The following LPP variants were observed in gnomAD, a reference collection of about 807,000 sequenced individuals.
LPP encodes the protein lipoma-preferred partner.
LPP carries 38 observed loss-of-function variants against 60.4 expected under a neutral mutation model. The ratio of observed to expected loss-of-function variants is 0.63; its 90% CI spans 0.49 to 0.83. LPP has a LOEUF of 0.83. LPP is among the 40% of genes least tolerant of loss of function. The pLI, the probability that LPP is intolerant of heterozygous loss-of-function variation, is 0.00. For missense variants in LPP, 902 were observed against 783.6 expected (o/e 1.15, Z -1.80); for synonymous variants, 328 against 290.8 (o/e 1.13, Z -1.30).
intron 5 of LPP, among the ~76,000 whole-genome samples, chr3:188,523,729 A>T (rs773061173): frequency 6.6e-6 from 1 of 152,176 alleles, no homozygotes; most frequent in African/African-American, 2.4e-5. Context: ...GATTATTGTA[A>T]CTTTCCACTA....
intron 7 of LPP, among the ~76,000 whole-genome samples, chr3:188,620,583 T>C (rs1055095027): frequency 9.8e-5 from 15 of 152,356 alleles, no homozygotes; most frequent in African/African-American, 3.6e-4. Flanking sequence ...TTGAGGTTTT[T>C]CTATCTTTTG....
chr3:188,424,259 G>T (rs1788685318), intron 4 of LPP, among the ~76,000 whole-genome samples: 1 of 152,078 alleles, frequency 6.6e-6, no homozygotes. Context: ...GAGATCAGAT[G>T]GTTGTAGATG....
intron 6 of LPP, among the ~76,000 whole-genome samples, chr3:188,582,104 G>A (rs911059948): frequency 6.7e-6 from 1 of 149,320 alleles, no homozygotes; most frequent in Non-Finnish European, 1.5e-5. Flanking sequence ...GCTCTCCTTA[G>A]TGGCTCTTCG....
At chr3:188,547,160 G>C (rs1826872275) in intron 6 of LPP, among the ~76,000 whole-genome samples, 2 of 152,166 alleles carry the variant, frequency 1.3e-5, no homozygotes, top group South Asian at 2.1e-4. Flanking sequence ...CCCAGTTGGA[G>C]CTTAGAAAAT....
At chr3:188,293,787 G>C (rs961822644) in intron 2 of LPP, among the ~76,000 whole-genome samples, 14 of 152,046 alleles carry the variant, frequency 9.2e-5, no homozygotes, top group Non-Finnish European at 1.9e-4. Flanking sequence ...TTACAAGGCC[G>C]GGCACCATGG....
At chr3:188,594,941 A>G (rs984698445) in intron 6 of LPP, among the ~76,000 whole-genome samples, 2 of 152,016 alleles carry the variant, frequency 1.3e-5, no homozygotes, top group African/African-American at 2.4e-5. Context: ...ATATCCTGTT[A>G]TTTTTCTGAA....
chr3:188,286,655 TAAATGTATTGATACTAAAAAGG>T (rs1346180767), intron 2 of LPP, among the ~76,000 whole-genome samples: 6 of 152,170 alleles, frequency 3.9e-5, no homozygotes, highest in African/African-American at 1.4e-4. Flanking sequence ...CCTCCCCAAA[TAAATGTATTGATACTAAAAAGG>T]AAAGCCAGCT....
At chr3:188,164,904 C>T (rs1459337866) in intron 1 of LPP, among the ~76,000 whole-genome samples, 3 of 151,996 alleles carry the variant, frequency 2.0e-5, no homozygotes, top group South Asian at 2.1e-4. Flanking sequence ...ACGATGGAAA[C>T]GTGAATGCAG....
chr3:188,718,904 T>C (rs1270068401), intron 8 of LPP, among the ~76,000 whole-genome samples: 3 of 152,208 alleles, frequency 2.0e-5, no homozygotes, highest in Non-Finnish European at 4.4e-5. Flanking sequence ...TTTTTAGAGA[T>C]CATGAAAATG....
chr3:188,689,491 C>T (rs927829960), intron 7 of LPP, among the ~76,000 whole-genome samples: 6 of 152,122 alleles, frequency 3.9e-5, no homozygotes, highest in African/African-American at 1.4e-4. Context: ...AGGTGTTAAC[C>T]ACTATTCTAC....
chr3:188,297,033 G>A (rs1369323720), intron 2 of LPP, among the ~76,000 whole-genome samples: 2 of 152,204 alleles, frequency 1.3e-5, no homozygotes, highest in Non-Finnish European at 2.9e-5. Context: ...TGTCAACATA[G>A]TTCCTTTAGG....
At chr3:188,430,465 G>A (rs1418219980) in intron 4 of LPP, among the ~76,000 whole-genome samples, 3 of 152,096 alleles carry the variant, frequency 2.0e-5, no homozygotes, top group Non-Finnish European at 4.4e-5. Flanking sequence ...CTATCTGGTT[G>A]TACCGTGACT....
Position 188,872,656 on chromosome 3 carries a change from C to T in LPP, c.1603C>T (p.Arg535Ter), listed in dbSNP as rs1399332919. The change falls in exon 11 of 12, where the codon CGA becomes TGA. Residue 535 changes from arginine (R) to a stop codon, truncating the protein, a stop_gained. Coordinates refer to ENST00000617246, the MANE Select transcript of LPP (RefSeq NM_001375462.1). LOFTEE classifies it high-confidence loss of function. ...IEDFHKKFAP[R>*]CSVCKEPIMP... ...CTTCACTTTCAGGAAATTTGCCCCG[C>T]GATGTTCTGTGTGCAAGGAGCCTAT... The T allele has an allele frequency of 2.5e-6, 4 of 1,614,098 alleles. No individual in the cohort carries two copies. In the Admixed American group the frequency reaches 5.0e-5, roughly 20 times the overall value.
At chr3:188,237,345 C>G (rs1722280408) in intron 2 of LPP, among the ~76,000 whole-genome samples, 2 of 152,178 alleles carry the variant, frequency 1.3e-5, no homozygotes, top group Admixed American at 1.3e-4. Context: ...TTCCAATCTC[C>G]TGTTAATGCT....
chr3:188,221,985 C>A (rs1275791850), intron 1 of LPP, among the ~76,000 whole-genome samples: 1 of 152,122 alleles, frequency 6.6e-6, no homozygotes, highest in African/African-American at 2.4e-5. Flanking sequence ...CACTTACTAG[C>A]CTAGAGATAT....
At chr3:188,607,287 A>C (rs1192154613) in intron 6 of LPP, among the ~76,000 whole-genome samples, 2 of 149,976 alleles carry the variant, frequency 1.3e-5, no homozygotes, top group Non-Finnish European at 3.0e-5. Flanking sequence ...GATTTTTCTC[A>C]ACTTTATTAT....
intron 2 of LPP, among the ~76,000 whole-genome samples, chr3:188,238,278 A>G (rs928089136): frequency 6.6e-6 from 1 of 152,200 alleles, no homozygotes; most frequent in African/African-American, 2.4e-5. Context: ...TCTTCTATCC[A>G]GATCACTCCA....
rs116262667 is a variant in LPP, at chr3:188,522,766, G to A, written c.307-1899G>A. Among the ~76,000 whole-genome samples the A allele has an allele frequency of 2.6e-3, 360 of 138,094 alleles. 4 individuals are homozygous for A. Among genetic ancestry groups the A allele is most frequent in the African/African-American group, 9.2e-3 (344 of 37,364 alleles). The allele number at this position is 138,094 out of a possible 152,430, so 90.6% of individuals were successfully genotyped here. A position where few individuals can be genotyped will look rare whatever the true frequency, so the allele number is the denominator to read the frequency against. ...AGAAAATCATAAGGTGGCTGTTTTAGATAATGTGATAATATGAAATATATA... is the reference window on the plus strand; with the variant it reads ...AGAAAATCATAAGGTGGCTGTTTTAAATAATGTGATAATATGAAATATATA... On this transcript the variant is annotated intron_variant, in intron 5 of 11. Coordinates refer to ENST00000617246, the MANE Select transcript of LPP (RefSeq NM_001375462.1).
At chr3:188,284,752 T>TGACTGCGAGA (rs1285094737) in intron 2 of LPP, among the ~76,000 whole-genome samples, 2 of 152,218 alleles carry the variant, frequency 1.3e-5, no homozygotes, top group African/African-American at 4.8e-5. Context: ...AGTTTAGTAA[T>TGACTGCGAGA]GACTGCGAGA....
Sources: gnomAD v4.1 joint callset for allele counts (sites outside exome capture counted in the v4.1 genomes callset) on GRCh38, gnomAD v4.1.1 for gene constraint, MANE v1.5 for transcripts, NCBI Gene and HGNC (gene_info 2026-07-23, HGNC 2026-07-21) for gene names.